Variants in EGFLAM observed in about 807,000 individuals in gnomAD.
The protein encoded by EGFLAM is EGF like, fibronectin type III and laminin G domains, also known as pikachurin.
A neutral mutation model predicts 113.1 loss-of-function variants in EGFLAM; 79 were observed. The observed-to-expected ratio is 0.70, with a 90% CI of 0.58 to 0.84. The LOEUF is 0.84. EGFLAM is among the 40% of genes least tolerant of loss of function. EGFLAM has a pLI of 0.00. For missense variants in EGFLAM, 1,265 were observed against 1,291.6 expected (o/e 0.98, Z 0.32); for synonymous variants, 504 against 487.6 (o/e 1.03, Z -0.44).
At chr5:38,339,216 A>C (rs1261631234) in intron 3 of EGFLAM, among the ~76,000 whole-genome samples, 1 of 152,214 alleles carries the variant, frequency 6.6e-6, no homozygotes, top group Admixed American at 6.5e-5. Flanking sequence ...TAAAAGGTCC[A>C]AATTGTTTAT....
At chr5:38,328,723 GTTTTTTTT>G (rs3077265) in intron 1 of EGFLAM, among the ~76,000 whole-genome samples, 6 of 103,026 alleles carry the variant, frequency 5.8e-5, no homozygotes, top group South Asian at 3.6e-4. Context: ...AGCTATACTT[GTTTTTTTT>G]TTTTTTTTTT....
rs745332637 is a variant in EGFLAM at position 38,310,285 on chromosome 5, AG to A, written c.98-27232del. On this transcript the variant is annotated intron_variant, in intron 1 of 21. Coordinates refer to ENST00000322350, the MANE Select transcript of EGFLAM (RefSeq NM_152403.4). ...AAAGTGGTTGAGAGCTGTGGGCTCC[AG>A]GGTGAGAGAGTTGGAGTCCAAATCC... Among the ~76,000 whole-genome samples the A allele has an allele frequency of 7.9e-5, 12 of 152,304 alleles. No homozygotes were observed. In the South Asian group the frequency reaches 1.0e-3, roughly 13 times the overall value.
chr5:38,346,050 G>T (rs1440581054), intron 3 of EGFLAM, among the ~76,000 whole-genome samples: 1 of 152,142 alleles, frequency 6.6e-6, no homozygotes, highest in Non-Finnish European at 1.5e-5. Context: ...CGGAGTGTCA[G>T]TGCAGGAAAA....
At chr5:38,280,789 T>C (rs1468705557) in intron 1 of EGFLAM, among the ~76,000 whole-genome samples, 3 of 152,238 alleles carry the variant, frequency 2.0e-5, no homozygotes, top group Admixed American at 1.3e-4. Flanking sequence ...GGATCCTAAT[T>C]GATACCTTTG....
intron 5 of EGFLAM, among the ~76,000 whole-genome samples, chr5:38,363,479 G>T (rs1169172717): frequency 1.3e-5 from 2 of 152,122 alleles, no homozygotes; most frequent in Non-Finnish European, 1.5e-5. Flanking sequence ...AATCACAATG[G>T]TATTAACAAT....
At chr5:38,346,526 A>G (rs899450515) in intron 3 of EGFLAM, 1 of 152,264 alleles carries the variant, frequency 6.6e-6, no homozygotes, top group Non-Finnish European at 1.5e-5. Context: ...AAATAAAGCT[A>G]TACATAGCCT....
At chr5:38,463,691 G>A in intron 21 of EGFLAM, 141 bp from the exon 22 acceptor site, 1 of 916,950 alleles carries the variant, frequency 1.1e-6, no homozygotes, top group South Asian at 1.7e-5. Context: ...GCAGCTCAAG[G>A]GGCCCACAGC....
intron 1 of EGFLAM, among the ~76,000 whole-genome samples, chr5:38,280,646 G>A (rs1757991904): frequency 6.6e-6 from 1 of 152,168 alleles, no homozygotes. Context: ...GCCCTGGGTA[G>A]TAACAATGTC....
At chr5:38,379,337 C>T (rs1169757871) in intron 6 of EGFLAM, among the ~76,000 whole-genome samples, 1 of 151,982 alleles carries the variant, frequency 6.6e-6, no homozygotes, top group African/African-American at 2.4e-5. Flanking sequence ...ACCCCCAAAC[C>T]CAGTGGGATC....
chr5:38,392,047 A>G (rs550811517), intron 6 of EGFLAM, among the ~76,000 whole-genome samples: 7 of 152,262 alleles, frequency 4.6e-5, no homozygotes, highest in East Asian at 3.9e-4. Context: ...AGATTATTCA[A>G]TCACCCAGGT....
chr5:38,276,845 C>T (rs1757899585), intron 1 of EGFLAM, among the ~76,000 whole-genome samples: 1 of 152,000 alleles, frequency 6.6e-6, no homozygotes, highest in Non-Finnish European at 1.5e-5. Flanking sequence ...CACATACAAC[C>T]TATCAAGACT....
chr5:38,458,194 G>A (rs1024886060), intron 19 of EGFLAM, 117 bp from the exon 20 acceptor site: 1 of 834,968 alleles, frequency 1.2e-6, no homozygotes, highest in Non-Finnish European at 1.8e-6. Flanking sequence ...TTTTTGTTAA[G>A]GAAACTGCAC....
chr5:38,421,212 C>A (rs1169207320), intron 12 of EGFLAM, among the ~76,000 whole-genome samples: 2 of 152,236 alleles, frequency 1.3e-5, no homozygotes, highest in African/African-American at 2.4e-5. Flanking sequence ...TCAGTTCCTT[C>A]CACTTCATAT....
chr5:38,367,951 G>T (rs1403357735), intron 5 of EGFLAM, among the ~76,000 whole-genome samples: 2 of 152,138 alleles, frequency 1.3e-5, no homozygotes, highest in Non-Finnish European at 2.9e-5. Flanking sequence ...CTTGTTTGCT[G>T]GAAATAAGAG....
intron 11 of EGFLAM, 49 bp downstream of exon 11, chr5:38,412,697 A>C: frequency 6.3e-7 from 1 of 1,596,736 alleles, no homozygotes; most frequent in South Asian, 1.1e-5. Context: ...ACCCACCATA[A>C]GTCTCCTGAG....
chr5:38,275,127 ACC>A (rs1430047561), intron 1 of EGFLAM, among the ~76,000 whole-genome samples: 1 of 152,226 alleles, frequency 6.6e-6, no homozygotes, highest in East Asian at 1.9e-4. Context: ...CAAAAATACT[ACC>A]AGGGAAAACT....
chr5:38,415,627 T>C (rs1741617124), intron 11 of EGFLAM, among the ~76,000 whole-genome samples: 1 of 152,198 alleles, frequency 6.6e-6, no homozygotes, highest in Non-Finnish European at 1.5e-5. Flanking sequence ...TGAGCCATGT[T>C]TGAGCCTATG....
chr5:38,409,753 C>A (rs1008134775), intron 10 of EGFLAM, among the ~76,000 whole-genome samples: 4 of 152,216 alleles, frequency 2.6e-5, no homozygotes, highest in Admixed American at 6.5e-5. Context: ...GGCTTACCAT[C>A]CTCATCTTCC....
chr5:38,292,160 G>T (rs10035895), intron 1 of EGFLAM, among the ~76,000 whole-genome samples: 5 of 152,108 alleles, frequency 3.3e-5, no homozygotes, highest in Admixed American at 6.5e-5. Context: ...TGCAGAAACA[G>T]AATATTCCTA....
Sources: allele counts gnomAD v4.1 joint callset (sites outside exome capture counted in the v4.1 genomes callset), GRCh38; gene constraint gnomAD v4.1.1; transcripts MANE v1.5; gene names NCBI Gene and HGNC (gene_info 2026-07-23, HGNC 2026-07-21).